Variants in CHSY3 observed in about 807,000 individuals in gnomAD.
CHSY3 encodes chondroitin sulfate synthase 3, also known as N-acetylgalactosaminyl-proteoglycan 3-beta-glucuronosyltransferase 3.
A neutral mutation model predicts 67.2 loss-of-function variants in CHSY3; 35 were observed. That is an observed-to-expected ratio of 0.52 (90% CI 0.40 to 0.69). The LOEUF (loss-of-function observed/expected upper bound fraction) is 0.69, where lower values mean the gene tolerates loss of function less well. Among genes scored for constraint, CHSY3 ranks in the 30% least tolerant of loss-of-function variants. CHSY3 has a pLI of 0.00. For synonymous variants in CHSY3, 474 were observed against 434.7 expected (o/e 1.09, Z -1.12); for missense variants, 1,069 against 1,138.5 (o/e 0.94, Z 0.88).
intron 2 of CHSY3, among the ~76,000 whole-genome samples, chr5:130,078,413 G>A (rs920122612): frequency 2.6e-5 from 4 of 152,040 alleles, no homozygotes; most frequent in South Asian, 2.1e-4. Context: ...TACATATCCC[G>A]GTCCCTGCAA....
At chr5:129,944,385 C>A (rs938693665) in intron 2 of CHSY3, among the ~76,000 whole-genome samples, 1 of 151,928 alleles carries the variant, frequency 6.6e-6, no homozygotes, top group Non-Finnish European at 1.5e-5. Flanking sequence ...TCATTTGGGA[C>A]AATTAACGAA....
At chr5:130,001,533 C>A in intron 2 of CHSY3, 1 of 927,830 alleles carries the variant, frequency 1.1e-6, no homozygotes, top group Non-Finnish European at 1.3e-6. Flanking sequence ...AACCAAGATA[C>A]GCAGGACCCC....
intron 2 of CHSY3, among the ~76,000 whole-genome samples, chr5:130,048,565 G>A (rs1387094699): frequency 6.6e-6 from 1 of 151,974 alleles, no homozygotes; most frequent in African/African-American, 2.4e-5. Flanking sequence ...CCCTGTCTCT[G>A]CAGATTTTTG....
At chr5:130,081,758 T>A (rs1766454116) in intron 2 of CHSY3, among the ~76,000 whole-genome samples, 1 of 152,078 alleles carries the variant, frequency 6.6e-6, no homozygotes, top group Non-Finnish European at 1.5e-5. Flanking sequence ...TCCTTCACCT[T>A]CTGTGTGATT....
intron 2 of CHSY3, among the ~76,000 whole-genome samples, chr5:130,100,350 A>AT (rs3065055): frequency 0.04 from 5,245 of 131,600 alleles, 155 homozygotes; most frequent in African/African-American, 0.076. Context: ...ATGCTTGGCT[A>AT]TTTTTTTTTT....
intron 2 of CHSY3, among the ~76,000 whole-genome samples, chr5:129,945,113 G>T (rs950995937): frequency 1.3e-5 from 2 of 152,206 alleles, no homozygotes; most frequent in African/African-American, 4.8e-5. Context: ...GGCCATTTGT[G>T]CTTTAGTAAA....
At chr5:129,939,960 A>G (rs1289036732) in intron 2 of CHSY3, among the ~76,000 whole-genome samples, 1 of 152,172 alleles carries the variant, frequency 6.6e-6, no homozygotes, top group Non-Finnish European at 1.5e-5. Flanking sequence ...GAGTTATAGG[A>G]CTGTTTAAAC....
At chr5:130,136,866 C>T (rs1290144898) in intron 2 of CHSY3, among the ~76,000 whole-genome samples, 1 of 152,048 alleles carries the variant, frequency 6.6e-6, no homozygotes. Context: ...ACCCAAGAAC[C>T]AGATCATCAC....
At chr5:130,098,415 T>C (rs569742377) in intron 2 of CHSY3, among the ~76,000 whole-genome samples, 2 of 152,318 alleles carry the variant, frequency 1.3e-5, no homozygotes, top group South Asian at 4.1e-4. Flanking sequence ...CTGGTGCACT[T>C]GGTTTGGCTT....
chr5:129,945,818 A>C (rs188354492), intron 2 of CHSY3, among the ~76,000 whole-genome samples: 7 of 152,338 alleles, frequency 4.6e-5, no homozygotes, highest in Admixed American at 4.6e-4. Context: ...GAAGGAAAAA[A>C]ACATGCGTTA....
intron 2 of CHSY3, among the ~76,000 whole-genome samples, chr5:129,951,821 C>T (rs1762031923): frequency 6.6e-6 from 1 of 152,130 alleles, no homozygotes; most frequent in South Asian, 2.1e-4. Context: ...GCAGACTTCT[C>T]CAGGTATGTA....
intron 2 of CHSY3, among the ~76,000 whole-genome samples, chr5:130,093,883 T>G (rs1766962330): frequency 6.6e-6 from 1 of 152,164 alleles, no homozygotes; most frequent in South Asian, 2.1e-4. Flanking sequence ...ATTTTAATTT[T>G]TTTCTGCTGC....
intron 2 of CHSY3, among the ~76,000 whole-genome samples, chr5:130,119,265 T>C (rs1231645021): frequency 6.6e-6 from 1 of 152,194 alleles, no homozygotes; most frequent in Non-Finnish European, 1.5e-5. Context: ...CTAGACTGCC[T>C]TTCTATGCAG....
chr5:129,969,952 C>T (rs921334171), intron 2 of CHSY3, among the ~76,000 whole-genome samples: 4 of 151,744 alleles, frequency 2.6e-5, no homozygotes, highest in African/African-American at 9.7e-5. Context: ...GAACTCTGTA[C>T]TTCTTTCAAT....
chr5:130,126,552 CAG>C (rs1044407009), intron 2 of CHSY3, among the ~76,000 whole-genome samples: 1 of 151,398 alleles, frequency 6.6e-6, no homozygotes. Flanking sequence ...GAAGAAGCAA[CAG>C]AGAGAGAAAG....
At chr5:129,905,881 GTGC>G in intron 1 of CHSY3, 29 of 796,932 alleles carry the variant, frequency 3.6e-5, no homozygotes, top group Admixed American at 1.3e-4. Flanking sequence ...GCTGTTTTCG[GTGC>G]CGCCTCGCGC....
chr5:129,991,966 T>C (rs561401619), intron 2 of CHSY3, among the ~76,000 whole-genome samples: 2 of 152,308 alleles, frequency 1.3e-5, no homozygotes, highest in Admixed American at 1.3e-4. Flanking sequence ...GATAGGCTCA[T>C]CCTATAATAC....
intron 2 of CHSY3, among the ~76,000 whole-genome samples, chr5:129,987,517 T>C (rs911707503): frequency 2.0e-5 from 3 of 152,206 alleles, no homozygotes; most frequent in Admixed American, 6.5e-5. Flanking sequence ...TATCTTTTAA[T>C]GAAAATATAC....
intron 2 of CHSY3, among the ~76,000 whole-genome samples, chr5:130,153,204 A>T (rs1401890377): frequency 6.6e-6 from 1 of 151,886 alleles, no homozygotes; most frequent in Non-Finnish European, 1.5e-5. Context: ...ACACTACTGC[A>T]CTCTAGCCTG....
Sources: allele counts gnomAD v4.1 joint callset (sites outside exome capture counted in the v4.1 genomes callset), GRCh38; gene constraint gnomAD v4.1.1; transcripts MANE v1.5; gene names NCBI Gene and HGNC (gene_info 2026-07-23, HGNC 2026-07-21).